TNIP3: variants seen among roughly 807,000 people sequenced by gnomAD.
The protein encoded by TNIP3 is TNFAIP3 interacting protein 3.
In TNIP3, 34 loss-of-function variants were observed where a neutral mutation model predicts 54.1. That is an observed-to-expected ratio of 0.63 (90% CI 0.48 to 0.84). TNIP3 has a LOEUF of 0.84. Among genes scored for constraint, TNIP3 ranks in the 40% least tolerant of loss-of-function variants. TNIP3 has a pLI of 0.00. For missense variants in TNIP3, 366 were observed against 387.6 expected (o/e 0.94, Z 0.47); for synonymous variants, 134 against 136.8 (o/e 0.98, Z 0.14).
At chr4:121,140,226 C>T (rs549280325) in intron 9 of TNIP3, among the ~76,000 whole-genome samples, 184 of 152,026 alleles carry the variant, frequency 1.2e-3, no homozygotes, top group African/African-American at 4.1e-3. Context: ...CCCAGCCAGT[C>T]GGGAGGCTGA....
upstream of TNIP3, chr4:121,164,375 G>C: frequency 8.1e-7 from 1 of 1,234,730 alleles, no homozygotes; most frequent in Non-Finnish European, 1.0e-6. Context: ...TCCAAATAGG[G>C]ATTTCCCAGG....
At chr4:121,208,499 T>C (rs1397595603) in intron 2 of TNIP3, among the ~76,000 whole-genome samples, 1 of 152,164 alleles carries the variant, frequency 6.6e-6, no homozygotes. Flanking sequence ...GCACTACCCA[T>C]GTCCCAATCC....
chr4:121,147,074 G>A lies in TNIP3; in HGVS notation c.710C>T (p.Ser237Phe). The change falls in exon 7 of 11, where the codon TCC becomes TTC. Residue 237 changes from serine to phenylalanine, a missense_variant. Coordinates refer to ENST00000057513, the MANE Select transcript of TNIP3 (RefSeq NM_024873.6). ...CTGGGAATTCAGCCTGTTCAACTGG[G>A]ATTGGGAAGTTTCATTAATTTGCTG... ...ELQQINETSQ[S>F]QLNRLNSQIK... 1.9e-6 allele frequency: 3 copies of A among 1,612,978 alleles called. No homozygotes were observed. The highest frequency in any genetic ancestry group is 2.5e-6 in the Non-Finnish European group (3 of 1,179,394).
At chr4:121,146,631 A>G (rs1729446730) in intron 7 of TNIP3, among the ~76,000 whole-genome samples, 1 of 152,216 alleles carries the variant, frequency 6.6e-6, no homozygotes, top group Non-Finnish European at 1.5e-5. Flanking sequence ...CCTCAGTCTC[A>G]CATATAAATG....
chr4:121,142,784 C>G lies in TNIP3; in HGVS notation c.736-8G>C. ...CATCTGACAAGCTTTTATCTAAAGA[C>G]AAAACAAAGGCATTTGTTAATCAAG... On this transcript the variant is annotated splice_region_variant and splice_polypyrimidine_tract_variant and intron_variant, in intron 7 of 10. Transcript: ENST00000057513. 1 of 1,609,212 alleles carries G rather than the reference C, an allele frequency of 6.2e-7. No homozygotes were observed. The highest frequency in any genetic ancestry group is 8.5e-7 in the Non-Finnish European group (1 of 1,176,444).
intron 3 of TNIP3, among the ~76,000 whole-genome samples, chr4:121,171,579 G>C (rs1723941992): frequency 6.6e-6 from 1 of 152,170 alleles, no homozygotes. Context: ...TGAAGAGTCA[G>C]TGTAACCTGT....
At chr4:121,177,178 A>G (rs578164713) in intron 3 of TNIP3, among the ~76,000 whole-genome samples, 2 of 152,356 alleles carry the variant, frequency 1.3e-5, no homozygotes, top group African/African-American at 2.4e-5. Flanking sequence ...GCAGATTCAT[A>G]TATTATTTTC....
At position 121,132,108 on chromosome 4, in the gene TNIP3, T is replaced by C. The variant is rs1728504852; in HGVS notation, c.*523A>G. Reference sequence around the variant, plus strand: ...TCTTCAATTCTACGTTTAGGATCACTGAGGTCAACAATATGTAGTCAAATA... The same window carrying C: ...TCTTCAATTCTACGTTTAGGATCACCGAGGTCAACAATATGTAGTCAAATA... On this transcript the variant is annotated 3_prime_UTR_variant, in exon 11 of 11. Transcript: ENST00000057513. 1 of 154,074 alleles carries C rather than the reference T, an allele frequency of 6.5e-6. No homozygotes were observed. Among genetic ancestry groups the C allele is most frequent in the Admixed American group, 6.5e-5 (1 of 15,474 alleles). The allele number at this position is 154,074 out of a possible 1,614,324, so 9.5% of individuals were successfully genotyped here. A position where few individuals can be genotyped will look rare whatever the true frequency, so the allele number is the denominator to read the frequency against.
chr4:121,219,979 T>C (rs930868113), upstream of TNIP3, among the ~76,000 whole-genome samples: 1 of 152,188 alleles, frequency 6.6e-6, no homozygotes, highest in Non-Finnish European at 1.5e-5. Flanking sequence ...ACATTTAGGA[T>C]AAAATGTCCT....
chr4:121,188,660 A>G (rs531070563), intron 2 of TNIP3, among the ~76,000 whole-genome samples: 2 of 152,296 alleles, frequency 1.3e-5, no homozygotes, highest in Non-Finnish European at 2.9e-5. Flanking sequence ...CCAAAATGTT[A>G]TGGTTTACTG....
intron 4 of TNIP3, among the ~76,000 whole-genome samples, chr4:121,156,339 T>G (rs1362091514): frequency 6.6e-6 from 1 of 152,208 alleles, no homozygotes; most frequent in Admixed American, 6.5e-5. Context: ...TCCCATTTTC[T>G]ACAATATTCA....
chr4:121,160,790 G>C (rs566234049), intron 2 of TNIP3, among the ~76,000 whole-genome samples: 2 of 152,248 alleles, frequency 1.3e-5, no homozygotes, highest in African/African-American at 4.8e-5. Context: ...AAGTTGCAAG[G>C]CATAAAGGGT....
chr4:121,171,943 G>T (rs1007827406), intron 3 of TNIP3, among the ~76,000 whole-genome samples: 1 of 152,038 alleles, frequency 6.6e-6, no homozygotes, highest in African/African-American at 2.4e-5. Flanking sequence ...ATGTTGGTCA[G>T]GCTTGTCTTG....
At chr4:121,196,600 A>T (rs1725600861) in intron 2 of TNIP3, among the ~76,000 whole-genome samples, 1 of 152,102 alleles carries the variant, frequency 6.6e-6, no homozygotes, top group South Asian at 2.1e-4. Flanking sequence ...TATAAAGTAT[A>T]TACAGCTTTG....
rs556623591 is a variant in TNIP3, at chr4:121,185,401, C to T, written c.69-2605G>A. On this transcript the variant is annotated intron_variant, in intron 2 of 12. Transcript: ENST00000507879. Reference sequence around the variant, plus strand: ...CTATCTGAACTAGATTTCTGAGCCCCATCACTATTGTCCCTTAATTCTGTT... The same window carrying T: ...CTATCTGAACTAGATTTCTGAGCCCTATCACTATTGTCCCTTAATTCTGTT... Among the ~76,000 whole-genome samples, 6 of 152,340 alleles carry T rather than the reference C, an allele frequency of 3.9e-5. No homozygotes were observed. The South Asian group carries it at 8.3e-4, about 21-fold the overall frequency.
rs1728469992 is a variant in TNIP3, at chr4:121,131,519, A to G, written c.*1112T>C. ...AAAACACAGATTTAACTATAAATCCATATGTCTGAAATATTTCTGTAAGTA... is the reference window on the plus strand; with the variant it reads ...AAAACACAGATTTAACTATAAATCCGTATGTCTGAAATATTTCTGTAAGTA... On this transcript the variant is annotated 3_prime_UTR_variant, in exon 11 of 11. Transcript: ENST00000057513. 6.6e-6 allele frequency: 1 copy of G among 151,850 alleles called. No homozygotes were observed. The highest frequency in any genetic ancestry group is 1.5e-5 in the Non-Finnish European group (1 of 67,986). The allele number at this position is 151,850 out of a possible 1,614,324, so 9.4% of individuals were successfully genotyped here.
At chr4:121,194,015 G>A (rs894418337) in intron 2 of TNIP3, among the ~76,000 whole-genome samples, 20 of 152,112 alleles carry the variant, frequency 1.3e-4, no homozygotes, top group African/African-American at 4.8e-4. Flanking sequence ...TAAATGTAAT[G>A]TAAGATCCTG....
chr4:121,201,396 T>G (rs1725876891), intron 2 of TNIP3, among the ~76,000 whole-genome samples: 1 of 152,198 alleles, frequency 6.6e-6, no homozygotes, highest in Non-Finnish European at 1.5e-5. Context: ...CTCATGTGTT[T>G]AAAATTAGTT....
At chr4:121,156,556 T>C (rs951840697) in intron 4 of TNIP3, among the ~76,000 whole-genome samples, 4 of 152,072 alleles carry the variant, frequency 2.6e-5, no homozygotes, top group Non-Finnish European at 5.9e-5. Flanking sequence ...AAAAATAATA[T>C]TTTGCTCACA....
Sources: gnomAD v4.1 joint callset for allele counts (sites outside exome capture counted in the v4.1 genomes callset) on GRCh38, gnomAD v4.1.1 for gene constraint, MANE v1.5 for transcripts, NCBI Gene and HGNC (gene_info 2026-07-23, HGNC 2026-07-21) for gene names.